NFX1: variants seen among roughly 807,000 people sequenced by gnomAD.
NFX1 encodes the protein transcriptional repressor NF-X1.
A neutral mutation model predicts 137.2 loss-of-function variants in NFX1; 69 were observed. The observed-to-expected ratio is 0.50, with a 90% confidence interval of 0.41 to 0.61. NFX1 has a LOEUF of 0.61. Ranked by LOEUF, NFX1 falls within the 20% of genes least tolerant of loss-of-function variation. NFX1 has a pLI of 0.00. For missense variants in NFX1, 1,167 were observed against 1,391.0 expected (o/e 0.84, Z 2.56); for synonymous variants, 495 against 474.1 (o/e 1.04, Z -0.57).
intron 10 of NFX1, among the ~76,000 whole-genome samples, chr9:33,329,426 C>T (rs576024951): frequency 1.3e-5 from 2 of 152,252 alleles, no homozygotes; most frequent in Non-Finnish European, 2.9e-5. Flanking sequence ...GTGTGGCCAG[C>T]CTGCTCCTAA....
At chr9:33,352,555 C>A in intron 16 of NFX1, 91 bp from the exon 17 acceptor site, 2 of 1,113,398 alleles carry the variant, frequency 1.8e-6, no homozygotes, top group South Asian at 2.5e-5. Context: ...CTAGTCTCTG[C>A]TATGGTTTAA....
intron 23 of NFX1, among the ~76,000 whole-genome samples, chr9:33,368,447 G>A (rs1824233462): frequency 6.6e-6 from 1 of 152,202 alleles, no homozygotes; most frequent in Non-Finnish European, 1.5e-5. Context: ...GACAGGAGCA[G>A]GGAAGGAGCT....
At chr9:33,366,238 T>G (rs968913217) in intron 21 of NFX1, among the ~76,000 whole-genome samples, 1 of 152,216 alleles carries the variant, frequency 6.6e-6, no homozygotes, top group African/African-American at 2.4e-5. Context: ...TACTCACGAT[T>G]TTTAAAGTAG....
At chr9:33,309,061 T>C (rs1236137303) in intron 5 of NFX1, among the ~76,000 whole-genome samples, 5 of 152,138 alleles carry the variant, frequency 3.3e-5, no homozygotes, top group African/African-American at 4.8e-5. Flanking sequence ...AATTCAGTAA[T>C]AAGAAGTTAA....
At position 33,311,174 on chromosome 9, in the gene NFX1, C is replaced by G. The variant is rs750534278; in HGVS notation, c.1445C>G (p.Thr482Ser). The G allele has an allele frequency of 6.2e-7, 1 of 1,613,622 alleles. No individual in the cohort carries two copies. The highest frequency in any genetic ancestry group is 8.5e-7 in the Non-Finnish European group (1 of 1,179,632). The part of the protein sequence containing the change: ...FMTKTCECGR[T>S]RHTVRCGQAV... ...ACAAAAACATGTGAATGTGGACGAA[C>G]CAGGTAAAGTTAAAATTACACCCTA... Residue 482 changes from threonine (T) to serine (S), a missense_variant, in exon 6 of 24, where the codon ACC becomes AGC. Coordinates refer to ENST00000379540, the MANE Select transcript of NFX1 (RefSeq NM_002504.6).
In NFX1 at chr9:33,335,275, G is replaced by A. The variant is rs537742859; in HGVS notation, c.2035+2773G>A. On this transcript the variant is annotated intron_variant, in intron 11 of 23. Transcript: ENST00000379540. ...GACGGAGTTTTGCTCTTGTTGCCCA[G>A]GCTGGAGTGCAGTGGCGCAATCTCA... Among the ~76,000 whole-genome samples the A allele has an allele frequency of 2.9e-5, 4 of 137,714 alleles. No individual in the cohort carries two copies. The East Asian group carries it at 8.2e-4, about 28-fold the overall frequency. The allele number at this position is 137,714 out of a possible 152,430, so 90.3% of individuals were successfully genotyped here.
Position 33,338,175 on chromosome 9 carries a change from T to C in NFX1, c.2036-335T>C, listed in dbSNP as rs551232966. ...TTAAAGACCAGTTTGGACAACATGG[T>C]GAAACCCTGCCTCTACTAAAAATAC... On this transcript the variant is annotated intron_variant, in intron 11 of 23. Transcript: ENST00000379540. Among the ~76,000 whole-genome samples the C allele has an allele frequency of 1.7e-3, 258 of 150,742 alleles. 2 individuals carry two copies. The highest frequency in any genetic ancestry group is 5.7e-3 in the African/African-American group (234 of 40,990).
chr9:33,328,620 A>G lies in NFX1; in HGVS notation c.1946A>G (p.Asp649Gly), dbSNP rs1587846138. Residue 649 changes from aspartate to glycine, a missense_variant, in exon 10 of 24, where the codon GAC (aspartate) becomes GGC (glycine). Asp to Gly is a moderately conservative substitution (Grantham distance 94). Coordinates refer to ENST00000379540, the MANE Select transcript of NFX1 (RefSeq NM_002504.6). ...TGTGAAAAGCTCTGCCATGAAGGAG[A>G]CTGTGGACCATGCTCTCGCACATCA... ...HTCEKLCHEG[D>G]CGPCSRTSVI... 1 of 1,612,546 alleles carries G rather than the reference A, an allele frequency of 6.2e-7. No homozygotes were observed. The highest frequency in any genetic ancestry group is 8.5e-7 in the Non-Finnish European group (1 of 1,178,712).
At chr9:33,293,533 T>C (rs1821236318) in intron 1 of NFX1, among the ~76,000 whole-genome samples, 1 of 152,258 alleles carries the variant, frequency 6.6e-6, no homozygotes, top group Non-Finnish European at 1.5e-5. Context: ...TAAGTAACTT[T>C]CCTGAAGTTA....
At chr9:33,338,116 AG>A (rs1215456916) in intron 11 of NFX1, among the ~76,000 whole-genome samples, 1 of 151,804 alleles carries the variant, frequency 6.6e-6, no homozygotes, top group Non-Finnish European at 1.5e-5. Flanking sequence ...GCACTTTGGG[AG>A]GCCATGGGAG....
intron 4 of NFX1, among the ~76,000 whole-genome samples, chr9:33,303,506 G>C (rs915332747): frequency 6.6e-6 from 1 of 152,200 alleles, no homozygotes; most frequent in African/African-American, 2.4e-5. Flanking sequence ...TGTAGTGCTT[G>C]TCTCCTTGGT....
intron 1 of NFX1, among the ~76,000 whole-genome samples, chr9:33,291,681 A>G (rs2118133601): frequency 6.6e-6 from 1 of 152,334 alleles, no homozygotes; most frequent in Admixed American, 6.5e-5. Context: ...AGGTGGACGG[A>G]TCACGAGGTC....
intron 19 of NFX1, among the ~76,000 whole-genome samples, chr9:33,355,641 CTTT>C (rs35866452): frequency 6.5e-5 from 6 of 92,202 alleles, no homozygotes; most frequent in East Asian, 6.2e-4. Context: ...GTTAAGAATT[CTTT>C]TTTTTTTTTT....
At chr9:33,367,927 C>G (rs547630471) in intron 23 of NFX1, among the ~76,000 whole-genome samples, 1 of 152,072 alleles carries the variant, frequency 6.6e-6, no homozygotes, top group African/African-American at 2.4e-5. Flanking sequence ...ACTGAAACAT[C>G]GTGTAGTTAG....
intron 19 of NFX1, among the ~76,000 whole-genome samples, chr9:33,361,554 C>T (rs189453303): frequency 4.3e-4 from 65 of 152,112 alleles, no homozygotes; most frequent in African/African-American, 1.3e-3. Flanking sequence ...GGGTGGATCA[C>T]CTGAGGTCAG....
intron 7 of NFX1, among the ~76,000 whole-genome samples, chr9:33,315,673 G>T (rs1822134517): frequency 1.3e-5 from 2 of 150,444 alleles, no homozygotes; most frequent in Non-Finnish European, 3.0e-5. Flanking sequence ...GATCACTTGA[G>T]CCTAGGAGTT....
chr9:33,369,639 G>A (rs1564155445), intron 23 of NFX1, among the ~76,000 whole-genome samples: 1 of 151,968 alleles, frequency 6.6e-6, no homozygotes, highest in South Asian at 2.1e-4. Flanking sequence ...GATTGTGAAA[G>A]GTTACCTCTA....
At chr9:33,295,846 C>T (rs1216728527) in intron 2 of NFX1, among the ~76,000 whole-genome samples, 1 of 152,162 alleles carries the variant, frequency 6.6e-6, no homozygotes, top group Non-Finnish European at 1.5e-5. Context: ...TGCAGCAGTT[C>T]CTAACTGGTC....
chr9:33,341,277 G>A (rs1823209866), intron 12 of NFX1, among the ~76,000 whole-genome samples: 1 of 152,184 alleles, frequency 6.6e-6, no homozygotes, highest in South Asian at 2.1e-4. Context: ...CAGAGGGAGA[G>A]AGCTTGTGCA....
Sources: allele counts gnomAD v4.1 joint callset (sites outside exome capture counted in the v4.1 genomes callset), GRCh38; gene constraint gnomAD v4.1.1; transcripts MANE v1.5; gene names NCBI Gene and HGNC (gene_info 2026-07-23, HGNC 2026-07-21).